Variants in GATA4 observed in about 807,000 individuals in gnomAD.
The protein encoded by GATA4 is GATA binding protein 4.
GATA4 carries 7 observed loss-of-function variants against 37.9 expected under a neutral mutation model. The observed-to-expected ratio is 0.18, with a 90% CI of 0.11 to 0.35. The LOEUF is 0.35. Ranked by LOEUF, GATA4 falls within the 10% of genes least tolerant of loss-of-function variation. The pLI is 1.00. For synonymous variants in GATA4, 372 were observed against 292.6 expected (o/e 1.27, Z -2.77); for missense variants, 647 against 653.0 (o/e 0.99, Z 0.10).
intron 1 of GATA4, chr8:11,681,247 C>G (rs1798961487): frequency 7.1e-6 from 7 of 985,360 alleles, no homozygotes; most frequent in Non-Finnish European, 8.4e-6. Flanking sequence ...ACTTACAGCT[C>G]GTCTGGGAGC....
At chr8:11,736,989 C>G (rs901046690) in intron 2 of GATA4, among the ~76,000 whole-genome samples, 2 of 152,020 alleles carry the variant, frequency 1.3e-5, no homozygotes, top group Non-Finnish European at 2.9e-5. Flanking sequence ...GTTAACTGAA[C>G]TTAGAACTAA....
rs1382828658 is a variant in GATA4 at position 11,692,664 on chromosome 8, C to A, written c.-729+4C>A. On this transcript the variant is annotated splice_donor_region_variant and intron_variant, in intron 1 of 2. Coordinates refer to the GATA4 transcript ENST00000526974. ...CCTCAGCCGACCTCCACCGCGGGTG[C>A]GTGCGGGGGTGCGGGGGTGAGGGGT... 3.1e-6 allele frequency: 3 copies of A among 982,026 alleles called. No homozygotes were observed. In the African/African-American group the frequency reaches 5.3e-5, roughly 17 times the overall value. 60.8% of individuals were successfully genotyped at this position (982,026 alleles called of 1,614,324 possible). A position where few individuals can be genotyped will look rare whatever the true frequency, so the allele number is the denominator to read the frequency against.
chr8:11,712,537 C>A (rs1800235639), intron 2 of GATA4, among the ~76,000 whole-genome samples: 1 of 151,556 alleles, frequency 6.6e-6, no homozygotes, highest in African/African-American at 2.4e-5. Context: ...GAAATATTGA[C>A]CATTTTATAG....
intron 2 of GATA4, among the ~76,000 whole-genome samples, chr8:11,726,432 G>T (rs908346473): frequency 6.6e-6 from 1 of 152,216 alleles, no homozygotes; most frequent in African/African-American, 2.4e-5. Context: ...CACGGGAACA[G>T]GGCAGTGAGG....
At chr8:11,694,380 C>A in intron 1 of GATA4, 1 of 560,782 alleles carries the variant, frequency 1.8e-6, no homozygotes, top group Non-Finnish European at 2.3e-6. Context: ...GCCTGTTTCA[C>A]TCAAGGCCTT....
At chr8:11,689,636 T>G (rs995173948), upstream of GATA4, among the ~76,000 whole-genome samples, 4 of 152,174 alleles carry the variant, frequency 2.6e-5, no homozygotes, top group Non-Finnish European at 5.9e-5. Flanking sequence ...ATGGAATGAC[T>G]GCGGTTTTGA....
At chr8:11,725,125 C>T (rs529796418) in intron 2 of GATA4, among the ~76,000 whole-genome samples, 62 of 152,334 alleles carry the variant, frequency 4.1e-4, no homozygotes, top group South Asian at 1.2e-3. Flanking sequence ...GAGCCTCGTG[C>T]GCAGCCCATG....
At chr8:11,728,354 T>A (rs1457306360) in intron 2 of GATA4, among the ~76,000 whole-genome samples, 1 of 152,162 alleles carries the variant, frequency 6.6e-6, no homozygotes, top group African/African-American at 2.4e-5. Context: ...TTGAAAATAG[T>A]ATCTTTTTTG....
At chr8:11,746,765 G>T (rs556288281) in intron 2 of GATA4, among the ~76,000 whole-genome samples, 1 of 152,242 alleles carries the variant, frequency 6.6e-6, no homozygotes, top group Non-Finnish European at 1.5e-5. Context: ...TCTCATGGGC[G>T]GCTCTGAGGG....
rs77891230 is a variant in GATA4 at position 11,680,488 on chromosome 8, G to T, written c.-274+3425G>T. 8.1e-6 allele frequency: 8 copies of T among 985,464 alleles called. 1 individual carries two copies. In the East Asian group the frequency reaches 6.8e-4, roughly 84 times the overall value. The allele number at this position is 985,464 out of a possible 1,614,324, so 61.0% of individuals were successfully genotyped here. On this transcript the variant is annotated intron_variant, in intron 1 of 6. Coordinates refer to the GATA4 transcript ENST00000528712. ...AGCCGGTTTGCTTTGGATGCATTTC[G>T]ATCAATCTGGCGCCACATGGGCCAG...
intron 2 of GATA4, among the ~76,000 whole-genome samples, chr8:11,727,632 C>G (rs907121390): frequency 6.6e-6 from 1 of 151,972 alleles, no homozygotes. Context: ...CGCTTGAGCT[C>G]AGGAGTTCGA....
intron 2 of GATA4, among the ~76,000 whole-genome samples, chr8:11,727,057 G>C (rs1800960642): frequency 6.6e-6 from 1 of 152,146 alleles, no homozygotes. Flanking sequence ...GTGCGTGCCA[G>C]CCATGCCTCT....
At chr8:11,701,645 G>A (rs555575863), upstream of GATA4, among the ~76,000 whole-genome samples, 9 of 152,310 alleles carry the variant, frequency 5.9e-5, no homozygotes, top group African/African-American at 2.2e-4. Flanking sequence ...AAAAAAGCAG[G>A]CCGTTTGCCA....
At chr8:11,677,738 G>A (rs924533121) in intron 1 of GATA4, among the ~76,000 whole-genome samples, 26 of 152,088 alleles carry the variant, frequency 1.7e-4, no homozygotes, top group African/African-American at 6.3e-4. Flanking sequence ...GCAGATCAAG[G>A]GTCAGCCAGG....
intron 1 of GATA4, chr8:11,681,595 C>G (rs1425119430): frequency 4.6e-6 from 2 of 430,244 alleles, no homozygotes; most frequent in South Asian, 2.0e-4. Context: ...ACTCGCTGTT[C>G]TTAACAATTT....
At chr8:11,728,330 C>G (rs1228823660) in intron 2 of GATA4, among the ~76,000 whole-genome samples, 1 of 152,190 alleles carries the variant, frequency 6.6e-6, no homozygotes, top group African/African-American at 2.4e-5. Flanking sequence ...ATGCTATTAT[C>G]ATTAAAGGAA....
chr8:11,729,379 C>A (rs983411861), intron 2 of GATA4, among the ~76,000 whole-genome samples: 3 of 151,906 alleles, frequency 2.0e-5, no homozygotes, highest in Admixed American at 6.6e-5. Context: ...ACTAGCCTGG[C>A]CAACATAGTG....
chr8:11,750,069 A>G (rs759227682), intron 3 of GATA4, 42 bp from the exon 4 acceptor site: 3 of 1,613,670 alleles, frequency 1.9e-6, no homozygotes, highest in Non-Finnish European at 2.5e-6. Context: ...GGCAGTGCAC[A>G]CCTTTTACTT....
At position 11,693,556 on chromosome 8, in the gene GATA4, CACACACAGAGAGAGAGAGAG is replaced by C. The variant is rs1451689866; in HGVS notation, c.-729+898_-729+917del. Among the ~76,000 whole-genome samples, 109 of 103,682 alleles carry C rather than the reference CACACACAGAGAGAGAGAGAG, an allele frequency of 1.1e-3. 2 individuals are homozygous for C. The highest frequency in any genetic ancestry group is 3.8e-4 in the South Asian group (1 of 2,656). 68.0% of individuals were successfully genotyped at this position (103,682 alleles called of 152,430 possible). A position where few individuals can be genotyped will look rare whatever the true frequency, so the allele number is the denominator to read the frequency against. ...ACACACACACACACACACACACACACACACACAGAGAGAGAGAGAGAGAGAGAGAGAGAGAGAGACAGAGG... is the reference window on the plus strand; with the variant it reads ...ACACACACACACACACACACACACACAGAGAGAGAGAGAGAGAGACAGAGG... On this transcript the variant is annotated intron_variant, in intron 1 of 2. Coordinates refer to the GATA4 transcript ENST00000526974.
Sources: allele counts gnomAD v4.1 joint callset (sites outside exome capture counted in the v4.1 genomes callset), GRCh38; gene constraint gnomAD v4.1.1; transcripts MANE v1.5; gene names NCBI Gene and HGNC (gene_info 2026-07-23, HGNC 2026-07-21).